CPA6: variants seen among roughly 807,000 people sequenced by gnomAD.
CPA6 encodes the protein carboxypeptidase B.
Under a neutral mutation model 63.3 loss-of-function variants are expected in CPA6, and 58 were observed. The observed-to-expected ratio is 0.92, with a 90% CI of 0.74 to 1.14. The LOEUF is 1.14. Ranked by LOEUF, CPA6 falls within the 50% of genes most tolerant of loss-of-function variation. CPA6 has a pLI of 0.00. For missense variants in CPA6, 565 were observed against 526.6 expected, an observed-to-expected ratio of 1.07 and a Z score of -0.71; for synonymous variants, 185 against 179.0, an observed-to-expected ratio of 1.03 and a Z score of -0.27.
rs1333648178 is a variant in CPA6, at chr8:67,619,845, C to T, written c.192+4331G>A. On this transcript the variant is annotated intron_variant, in intron 2 of 10. Coordinates refer to ENST00000297770, the MANE Select transcript of CPA6 (RefSeq NM_020361.5). ...GTTCAGCCCATCACCTGTTCAGACC[C>T]TAACCCAACCTCCTTGGGGAGGCAG... Among the ~76,000 whole-genome samples the T allele has an allele frequency of 2.6e-5, 4 of 152,236 alleles. No individual in the cohort carries two copies. The East Asian group carries it at 7.7e-4, about 29-fold the overall frequency.
chr8:67,615,232 T>C (rs1814914657), intron 2 of CPA6, among the ~76,000 whole-genome samples: 1 of 152,178 alleles, frequency 6.6e-6, no homozygotes, highest in South Asian at 2.1e-4. Context: ...GCAACTTTAA[T>C]TAAAAGAATC....
Position 67,603,133 on chromosome 8 carries a change from C to T in CPA6, c.192+21043G>A, listed in dbSNP as rs188811989. On this transcript the variant is annotated intron_variant, in intron 2 of 10. Coordinates refer to ENST00000297770, the MANE Select transcript of CPA6 (RefSeq NM_020361.5). ...TCTGGCCTATTACTTTAAGAAAATG[C>T]TTTTGGTTCCAAAGGTCATTTTGTT... Among the ~76,000 whole-genome samples the T allele has an allele frequency of 1.4e-3, 211 of 152,218 alleles. 2 individuals are homozygous for T. Among genetic ancestry groups the T allele is most frequent in the Non-Finnish European group, 1.8e-4 (12 of 67,996 alleles).
intron 2 of CPA6, among the ~76,000 whole-genome samples, chr8:67,528,423 A>G (rs1446412991): frequency 2.0e-5 from 3 of 152,096 alleles, no homozygotes; most frequent in Non-Finnish European, 4.4e-5. Context: ...GTGATCCTAA[A>G]AGACAAAGGC....
At chr8:67,424,779 C>G (rs140679452) in intron 10 of CPA6, among the ~76,000 whole-genome samples, 1 of 152,218 alleles carries the variant, frequency 6.6e-6, no homozygotes, top group Non-Finnish European at 1.5e-5. Context: ...TACCAATGAC[C>G]TCAGGCCTAG....
rs189328385 is a variant in CPA6, at chr8:67,604,271, G to A, written c.192+19905C>T. On this transcript the variant is annotated intron_variant, in intron 2 of 10. Coordinates refer to ENST00000297770, the MANE Select transcript of CPA6 (RefSeq NM_020361.5). ...CGAAAAAATAGAAGGAACACATCTGGTTGTGGCAGTTAGCAAAAGCTTTCT... is the reference window on the plus strand; with the variant it reads ...CGAAAAAATAGAAGGAACACATCTGATTGTGGCAGTTAGCAAAAGCTTTCT... 6.6e-5 allele frequency among the ~76,000 whole-genome samples: 10 copies of A among 152,296 alleles called. No homozygotes were observed. The East Asian group carries it at 1.9e-3, about 29-fold the overall frequency.
In CPA6 at chr8:67,612,270, C is replaced by A. The variant is rs140792431; in HGVS notation, c.192+11906G>T. Among the ~76,000 whole-genome samples, 69 of 152,230 alleles carry A rather than the reference C, an allele frequency of 4.5e-4. 1 individual carries two copies. In the East Asian group the frequency reaches 0.012, roughly 27 times the overall value. ...CCTGTTCTCTCCTTGTCTGAAAGCC[C>A]AAAGGTTGCTTCTTCCATATATTCT... On this transcript the variant is annotated intron_variant, in intron 2 of 10. Transcript: ENST00000297770.
At chr8:67,655,260 T>TG (rs1563379358) in intron 1 of CPA6, among the ~76,000 whole-genome samples, 1 of 152,078 alleles carries the variant, frequency 6.6e-6, no homozygotes, top group Non-Finnish European at 1.5e-5. Context: ...ATTTATATAC[T>TG]GGGAAAAAAG....
chr8:67,616,957 T>G (rs116374577), intron 2 of CPA6, among the ~76,000 whole-genome samples: 2,717 of 152,264 alleles, frequency 0.018, 85 homozygotes, highest in African/African-American at 0.06. Context: ...AAGACTGTGC[T>G]AGACCCAACC....
intron 8 of CPA6, among the ~76,000 whole-genome samples, chr8:67,441,904 T>C (rs1419286623): frequency 6.6e-6 from 1 of 152,198 alleles, no homozygotes; most frequent in Non-Finnish European, 1.5e-5. Flanking sequence ...GGGATGGGTA[T>C]ATAAAAGAGG....
At chr8:67,741,791 C>T (rs925729908) in intron 1 of CPA6, among the ~76,000 whole-genome samples, 6 of 151,850 alleles carry the variant, frequency 4.0e-5, no homozygotes, top group Admixed American at 6.6e-5. Context: ...ATGGTGAGTC[C>T]TATAATTATT....
At chr8:67,666,851 T>C (rs1816242100) in intron 1 of CPA6, among the ~76,000 whole-genome samples, 1 of 152,192 alleles carries the variant, frequency 6.6e-6, no homozygotes, top group African/African-American at 2.4e-5. Flanking sequence ...CGATCATTCT[T>C]GAGTGCCCCC....
At chr8:67,570,166 T>C (rs1240742403) in intron 2 of CPA6, 1 of 152,250 alleles carries the variant, frequency 6.6e-6, no homozygotes, top group Non-Finnish European at 1.5e-5. Context: ...TTTCTATCAT[T>C]AATAAAGTTA....
chr8:67,655,603 A>G (rs1171360944), intron 1 of CPA6, among the ~76,000 whole-genome samples: 1 of 152,156 alleles, frequency 6.6e-6, no homozygotes, highest in Non-Finnish European at 1.5e-5. Context: ...TATCTGTGGA[A>G]AAAGCAAACC....
intron 2 of CPA6, among the ~76,000 whole-genome samples, chr8:67,518,505 T>C (rs1284987182): frequency 8.2e-6 from 1 of 121,214 alleles, no homozygotes; most frequent in African/African-American, 3.8e-5. Flanking sequence ...TTTTCTTTTC[T>C]TTTCTTTTTT....
rs551647435 is a variant in CPA6, at chr8:67,606,977, G to A, written c.192+17199C>T. 3.9e-5 allele frequency among the ~76,000 whole-genome samples: 6 copies of A among 152,198 alleles called. No individual in the cohort carries two copies. The East Asian group carries it at 5.8e-4, about 15-fold the overall frequency. The stretch of plus-strand genomic sequence containing the variant: ...GGTCTGTGATATTGTGGGTCATGTC[G>A]CAGAAACTATATGGGCTTCTGGTTT... On this transcript the variant is annotated intron_variant, in intron 2 of 10. Coordinates refer to ENST00000297770, the MANE Select transcript of CPA6 (RefSeq NM_020361.5).
intron 1 of CPA6, among the ~76,000 whole-genome samples, chr8:67,678,040 G>A (rs749780214): frequency 1.4e-4 from 21 of 151,936 alleles, no homozygotes; most frequent in Admixed American, 5.9e-4. Flanking sequence ...GTTCAGGACC[G>A]GCCTGGCCAA....
intron 8 of CPA6, among the ~76,000 whole-genome samples, chr8:67,475,635 G>C (rs1811155127): frequency 6.6e-6 from 1 of 152,114 alleles, no homozygotes. Context: ...TTCTCAGTTT[G>C]CAGGAAAAGG....
chr8:67,501,133 T>C (rs1811822936), intron 6 of CPA6, among the ~76,000 whole-genome samples: 1 of 152,134 alleles, frequency 6.6e-6, no homozygotes, highest in African/African-American at 2.4e-5. Context: ...AGGAATTGTG[T>C]TAAATCTCTA....
chr8:67,729,039 G>A (rs1032447658), intron 1 of CPA6, among the ~76,000 whole-genome samples: 1 of 152,172 alleles, frequency 6.6e-6, no homozygotes, highest in Non-Finnish European at 1.5e-5. Flanking sequence ...AGCAGATCTC[G>A]AACTTGTCAC....
Sources: gnomAD v4.1 joint callset for allele counts (sites outside exome capture counted in the v4.1 genomes callset) on GRCh38, gnomAD v4.1.1 for gene constraint, MANE v1.5 for transcripts, NCBI Gene and HGNC (gene_info 2026-07-23, HGNC 2026-07-21) for gene names.